ZNF578: variants seen among roughly 807,000 people sequenced by gnomAD.
ZNF578 encodes the protein zinc finger protein 578, also known as Putative chemokine-related protein B42.
A neutral mutation model predicts 8.3 loss-of-function variants in ZNF578; 8 were observed. The observed-to-expected ratio is 0.96, with a 90% CI of 0.56 to 1.74. The LOEUF (loss-of-function observed/expected upper bound fraction) is 1.74. Ranked by LOEUF, ZNF578 falls within the 40% of genes most tolerant of loss-of-function variation. The probability of loss-of-function intolerance (pLI) is 0.00; values close to 1 mark genes in which losing one functional copy is unlikely to be tolerated. For missense variants in ZNF578, 726 were observed against 707.5 expected (o/e 1.03, Z -0.30); for synonymous variants, 206 against 232.2 (o/e 0.89, Z 1.03).
intron 2 of ZNF578, among the ~76,000 whole-genome samples, chr19:52,469,490 C>A (rs996094614): frequency 1.3e-5 from 2 of 152,052 alleles, no homozygotes; most frequent in Non-Finnish European, 2.9e-5. Context: ...GATGAATTTC[C>A]TTAGTTGGTT....
chr19:52,500,871 G>A (rs970023228), intron 3 of ZNF578, among the ~76,000 whole-genome samples: 15 of 106,534 alleles, frequency 1.4e-4, no homozygotes, highest in African/African-American at 5.8e-4. Flanking sequence ...TGACTGTTTT[G>A]TGTGACTTTT....
At chr19:52,494,688 G>T (rs1422304073) in intron 3 of ZNF578, among the ~76,000 whole-genome samples, 2 of 152,140 alleles carry the variant, frequency 1.3e-5, no homozygotes, top group Non-Finnish European at 2.9e-5. Context: ...TCAGAGGTTA[G>T]CTTCCACTTG....
chr19:52,471,173 C>T (rs1433265062), intron 2 of ZNF578, among the ~76,000 whole-genome samples: 1 of 152,096 alleles, frequency 6.6e-6, no homozygotes, highest in Non-Finnish European at 1.5e-5. Context: ...AACTGTGAGC[C>T]AATTAAACCT....
Position 52,516,223 on chromosome 19 carries a change from G to T in ZNF578, c.*4069G>T, listed in dbSNP as rs2059475178. Among the ~76,000 whole-genome samples, 1 of 152,064 alleles carries T rather than the reference G, an allele frequency of 6.6e-6. No homozygotes were observed. Among genetic ancestry groups the T allele is most frequent in the Admixed American group, 6.5e-5 (1 of 15,270 alleles). On this transcript the variant is annotated 3_prime_UTR_variant, in exon 6 of 6. Transcript: ENST00000421239. Reference sequence around the variant, plus strand: ...CTCCCACCCCTGGTCTCAAGCTCCTGAGCTCAAGTGATCTACCCACCTCGG... The same window carrying T: ...CTCCCACCCCTGGTCTCAAGCTCCTTAGCTCAAGTGATCTACCCACCTCGG...
intron 2 of ZNF578, among the ~76,000 whole-genome samples, chr19:52,485,794 T>C (rs8111995): frequency 0.55 from 82,867 of 151,848 alleles, 22,753 homozygotes; most frequent in African/African-American, 0.6. Flanking sequence ...TCATCACCAC[T>C]CCCTATTCTC....
At chr19:52,492,109 A>T (rs2059367080) in intron 3 of ZNF578, among the ~76,000 whole-genome samples, 2 of 137,916 alleles carry the variant, frequency 1.5e-5, no homozygotes, top group South Asian at 4.9e-4. Flanking sequence ...AGTTAGCCAA[A>T]ACCGTGCCAC....
chr19:52,501,789 A>G, intron 3 of ZNF578, 38 bp from the exon 4 acceptor site: 2 of 1,602,616 alleles, frequency 1.2e-6, no homozygotes, highest in East Asian at 2.2e-5. Flanking sequence ...GGAGTGAGTC[A>G]TATCTAACCT....
intron 1 of ZNF578, chr19:52,456,426 C>T (rs1162576852): frequency 1.2e-4 from 19 of 152,226 alleles, no homozygotes; most frequent in Admixed American, 1.2e-3. Context: ...CAGTGTCCCA[C>T]ATGATTCTAA....
chr19:52,477,166 C>G (rs2059310749), intron 2 of ZNF578, among the ~76,000 whole-genome samples: 1 of 152,198 alleles, frequency 6.6e-6, no homozygotes, highest in Non-Finnish European at 1.5e-5. Flanking sequence ...ATGTATCCTG[C>G]TGGTAAAGGT....
chr19:52,495,661 G>A lies in ZNF578; in HGVS notation c.-20+4236G>A, dbSNP rs866607618. On this transcript the variant is annotated intron_variant, in intron 3 of 5. Coordinates refer to ENST00000421239, the MANE Select transcript of ZNF578 (RefSeq NM_001099694.2). ...GGATGTGATGATGAAGTGATGACAC[G>A]TTGTTTTCTCTGTTTATAATGTAAC... is the stretch of plus-strand genomic sequence containing the variant. Among the ~76,000 whole-genome samples, 22 of 150,656 alleles carry A rather than the reference G, an allele frequency of 1.5e-4. 1 individual carries two copies. The highest frequency in any genetic ancestry group is 1.0e-4 in the Non-Finnish European group (7 of 67,540).
At position 52,460,824 on chromosome 19, in the gene ZNF578, T is replaced by C. The variant is rs567761973; in HGVS notation, c.-122+3866T>C. ...TTTTGCATCAATTGAGATGATGGCA[T>C]TGTTTTTGTTCTGAATTATATTAAT... On this transcript the variant is annotated intron_variant, in intron 2 of 5. Transcript: ENST00000421239. 4.6e-5 allele frequency among the ~76,000 whole-genome samples: 7 copies of C among 152,244 alleles called. No homozygotes were observed. The East Asian group carries it at 1.4e-3, about 29-fold the overall frequency.
In ZNF578 at chr19:52,511,271, G is replaced by C. The variant is rs2059444845; in HGVS notation, c.890G>C (p.Ser297Thr). The change falls in exon 6 of 6, where the codon AGT becomes ACT. Residue 297 changes from serine to threonine, a missense_variant. Physicochemically the swap from Ser to Thr is moderately conservative, Grantham distance 58. Transcript: ENST00000421239. Reference protein sequence around the residue: ...YKCNECGKSFSYKSSLTCHRR... With the variant: ...YKCNECGKSFTYKSSLTCHRR... ...TGTAATGAATGTGGAAAGTCCTTCA[G>C]TTACAAGTCATCCCTGACATGCCAT... 6.2e-7 allele frequency: 1 copy of C among 1,614,036 alleles called. No homozygotes were observed. The highest frequency in any genetic ancestry group is 8.5e-7 in the Non-Finnish European group (1 of 1,180,000).
chr19:52,494,556 G>T (rs986750694), intron 3 of ZNF578, among the ~76,000 whole-genome samples: 2 of 152,262 alleles, frequency 1.3e-5, no homozygotes, highest in East Asian at 3.9e-4. Context: ...CATTGGATAT[G>T]ATTAGTTGTG....
At chr19:52,487,947 A>G (rs1255490760) in intron 2 of ZNF578, among the ~76,000 whole-genome samples, 1 of 123,208 alleles carries the variant, frequency 8.1e-6, no homozygotes, top group East Asian at 2.3e-4. Flanking sequence ...TCTGGCCTAC[A>G]TAGCCCCCCC....
In ZNF578 at chr19:52,513,468, C is replaced by G. The variant is rs141352609; in HGVS notation, c.*1314C>G. Among the ~76,000 whole-genome samples the G allele has an allele frequency of 2.3e-4, 35 of 150,656 alleles. No homozygotes were observed. Among genetic ancestry groups the G allele is most frequent in the African/African-American group, 7.5e-4 (31 of 41,094 alleles). ...ATATCAGGCTGGGTGTGGCAGCTCACGCCGGTAATCCCAGCACTTTGGGAG... is the reference window on the plus strand; with the variant it reads ...ATATCAGGCTGGGTGTGGCAGCTCAGGCCGGTAATCCCAGCACTTTGGGAG... On this transcript the variant is annotated 3_prime_UTR_variant, in exon 6 of 6. Coordinates refer to ENST00000421239, the MANE Select transcript of ZNF578 (RefSeq NM_001099694.2).
intron 3 of ZNF578, among the ~76,000 whole-genome samples, chr19:52,501,169 G>A (rs931699416): frequency 1.6e-4 from 24 of 152,098 alleles, no homozygotes; most frequent in Admixed American, 7.2e-4. Context: ...GAGCCCCTGC[G>A]TCTGGCCTCT....
At chr19:52,460,597 T>G (rs1354096837) in intron 2 of ZNF578, among the ~76,000 whole-genome samples, 1 of 152,226 alleles carries the variant, frequency 6.6e-6, no homozygotes, top group Non-Finnish European at 1.5e-5. Context: ...TAGGTTTGCC[T>G]TTTCCTTCTT....
chr19:52,510,462 A>G, intron 5 of ZNF578, 110 bp from the exon 6 acceptor site: 9 of 1,347,718 alleles, frequency 6.7e-6, no homozygotes, highest in Non-Finnish European at 8.7e-6. Flanking sequence ...TTTGAAGATC[A>G]TGTTTGGGAA....
At chr19:52,465,413 T>G (rs1470606549) in intron 2 of ZNF578, among the ~76,000 whole-genome samples, 1 of 152,170 alleles carries the variant, frequency 6.6e-6, no homozygotes, top group East Asian at 1.9e-4. Flanking sequence ...GACTCTCCTT[T>G]TGGCTAGTAC....
Sources: allele counts gnomAD v4.1 joint callset (sites outside exome capture counted in the v4.1 genomes callset), GRCh38; gene constraint gnomAD v4.1.1; transcripts MANE v1.5; gene names NCBI Gene and HGNC (gene_info 2026-07-23, HGNC 2026-07-21).